Variants in HS3ST5 observed in about 807,000 individuals in gnomAD.
HS3ST5 encodes the protein heparan sulfate glucosamine 3-O-sulfotransferase 5.
HS3ST5 carries 10 observed loss-of-function variants against 25.4 expected under a neutral mutation model. The observed-to-expected ratio is 0.39, with a 90% CI of 0.24 to 0.67. The LOEUF (loss-of-function observed/expected upper bound fraction) is 0.67, where lower values mean the gene tolerates loss of function less well. HS3ST5 is among the 30% of genes least tolerant of loss of function. The probability of loss-of-function intolerance (pLI) is 0.44; values close to 1 mark genes in which losing one functional copy is unlikely to be tolerated. For missense variants in HS3ST5, 324 were observed against 420.7 expected (o/e 0.77, Z 2.01); for synonymous variants, 170 against 162.4 (o/e 1.05, Z -0.36).
intron 4 of HS3ST5, among the ~76,000 whole-genome samples, chr6:114,060,442 T>C (rs925028934): frequency 6.6e-6 from 1 of 152,238 alleles, no homozygotes; most frequent in Non-Finnish European, 1.5e-5. Flanking sequence ...TATCAATAGA[T>C]ACATAGGCAA....
At chr6:114,169,426 A>G (rs937354447) in intron 2 of HS3ST5, among the ~76,000 whole-genome samples, 2 of 152,142 alleles carry the variant, frequency 1.3e-5, no homozygotes, top group Admixed American at 6.6e-5. Flanking sequence ...AATTATTTCC[A>G]ATTTCTTCCA....
intron 3 of HS3ST5, among the ~76,000 whole-genome samples, chr6:114,080,099 A>G (rs1774369888): frequency 6.6e-6 from 1 of 152,180 alleles, no homozygotes; most frequent in African/African-American, 2.4e-5. Flanking sequence ...CTTAAATAAT[A>G]AGACTTGAAA....
intron 2 of HS3ST5, among the ~76,000 whole-genome samples, chr6:114,217,761 G>T (rs557176078): frequency 2.0e-5 from 3 of 152,202 alleles, no homozygotes; most frequent in Admixed American, 6.5e-5. Flanking sequence ...AGCAGAAGTG[G>T]GGACTTGAAT....
At chr6:114,276,603 G>A (rs1156726272) in intron 1 of HS3ST5, among the ~76,000 whole-genome samples, 2 of 86,040 alleles carry the variant, frequency 2.3e-5, no homozygotes, top group African/African-American at 9.3e-5. Flanking sequence ...AAAGCTATGA[G>A]AGTGTGGGAA....
intron 3 of HS3ST5, among the ~76,000 whole-genome samples, chr6:114,107,376 GA>G (rs1776046915): frequency 6.6e-6 from 1 of 152,118 alleles, no homozygotes; most frequent in Admixed American, 6.5e-5. Flanking sequence ...ATGAGAAATT[GA>G]AGGGAATTTC....
chr6:114,266,125 TCTCTC>T (rs1019218402), intron 1 of HS3ST5, among the ~76,000 whole-genome samples: 31 of 152,318 alleles, frequency 2.0e-4, no homozygotes, highest in African/African-American at 7.5e-4. Flanking sequence ...TATATTCTGT[TCTCTC>T]AGTTAATGAT....
At chr6:114,304,812 T>C (rs1775222508) in intron 1 of HS3ST5, among the ~76,000 whole-genome samples, 1 of 152,118 alleles carries the variant, frequency 6.6e-6, no homozygotes, top group Non-Finnish European at 1.5e-5. Flanking sequence ...TCTGACATAA[T>C]AAATGACAGC....
At chr6:114,318,135 G>A (rs1193569345) in intron 1 of HS3ST5, among the ~76,000 whole-genome samples, 1 of 152,062 alleles carries the variant, frequency 6.6e-6, no homozygotes, top group Non-Finnish European at 1.5e-5. Flanking sequence ...TTAACACCTT[G>A]CTATTCATGG....
intron 2 of HS3ST5, among the ~76,000 whole-genome samples, chr6:114,196,575 G>A (rs1037880632): frequency 2.0e-5 from 3 of 151,402 alleles, no homozygotes; most frequent in South Asian, 2.1e-4. Context: ...AGCGGCCCTC[G>A]TGAAGTCTCC....
chr6:114,195,863 G>A (rs915692912), intron 2 of HS3ST5, among the ~76,000 whole-genome samples: 1 of 152,038 alleles, frequency 6.6e-6, no homozygotes, highest in African/African-American at 2.4e-5. Flanking sequence ...TGTACAGAAG[G>A]CCTTGTCTAA....
intron 3 of HS3ST5, among the ~76,000 whole-genome samples, chr6:114,157,231 C>A (rs933455791): frequency 7.9e-5 from 12 of 152,146 alleles, no homozygotes; most frequent in Non-Finnish European, 1.2e-4. Context: ...ACTGCTGAGA[C>A]CTGAATTCAG....
chr6:114,330,699 G>T (rs1294649529), intron 1 of HS3ST5, among the ~76,000 whole-genome samples: 1 of 152,116 alleles, frequency 6.6e-6, no homozygotes, highest in African/African-American at 2.4e-5. Flanking sequence ...CTACCTTGGA[G>T]AGCCAAGACC....
chr6:114,267,918 A>C (rs1773477641), intron 1 of HS3ST5, among the ~76,000 whole-genome samples: 1 of 152,190 alleles, frequency 6.6e-6, no homozygotes. Context: ...TCATGATCCA[A>C]GTATCTATGG....
intron 2 of HS3ST5, among the ~76,000 whole-genome samples, chr6:114,213,799 T>A (rs1781625559): frequency 6.6e-6 from 1 of 152,146 alleles, no homozygotes. Context: ...ATCTCTACGA[T>A]CCCCAGTCCA....
At chr6:114,293,766 A>C (rs1216776081) in intron 1 of HS3ST5, among the ~76,000 whole-genome samples, 1 of 152,246 alleles carries the variant, frequency 6.6e-6, no homozygotes, top group Non-Finnish European at 1.5e-5. Flanking sequence ...AGTGAACTCA[A>C]AGAAGAGCCT....
intron 1 of HS3ST5, among the ~76,000 whole-genome samples, chr6:114,296,925 ATAACAC>A (rs1398862202): frequency 6.6e-6 from 1 of 152,218 alleles, no homozygotes; most frequent in African/African-American, 2.4e-5. Context: ...AGCTTGGAGG[ATAACAC>A]TGAACACAAA....
intron 3 of HS3ST5, among the ~76,000 whole-genome samples, chr6:114,098,610 G>C (rs953111635): frequency 1.3e-5 from 2 of 150,464 alleles, no homozygotes; most frequent in African/African-American, 4.9e-5. Context: ...TTATATGCTT[G>C]AGCGTGAAAG....
At chr6:114,147,592 C>T (rs372249632) in intron 3 of HS3ST5, among the ~76,000 whole-genome samples, 17 of 152,008 alleles carry the variant, frequency 1.1e-4, no homozygotes, top group African/African-American at 2.4e-4. Context: ...TGAGGGGTGG[C>T]GGAGATGTTT....
chr6:114,208,972 A>G (rs1358205309), intron 2 of HS3ST5, among the ~76,000 whole-genome samples: 1 of 152,198 alleles, frequency 6.6e-6, no homozygotes, highest in African/African-American at 2.4e-5. Context: ...AATACAATGA[A>G]TGTAGCCAAA....
Sources: gnomAD v4.1 joint callset for allele counts (sites outside exome capture counted in the v4.1 genomes callset) on GRCh38, gnomAD v4.1.1 for gene constraint, MANE v1.5 for transcripts, NCBI Gene and HGNC (gene_info 2026-07-23, HGNC 2026-07-21) for gene names.